DCC: variants seen among roughly 807,000 people sequenced by gnomAD.
The protein encoded by DCC is netrin receptor DCC.
DCC carries 58 observed loss-of-function variants against 172.5 expected under a neutral mutation model. That is an observed-to-expected ratio of 0.34 (90% confidence interval 0.27 to 0.42). The LOEUF is 0.42. Ranked by LOEUF, DCC falls within the 10% of genes least tolerant of loss-of-function variation. The pLI, the probability that DCC is intolerant of heterozygous loss-of-function variation, is 1.00. For missense variants in DCC, 1,740 were observed against 1,791.0 expected, an observed-to-expected ratio of 0.97 and a Z score of 0.51; for synonymous variants, 709 against 644.5, an observed-to-expected ratio of 1.10 and a Z score of -1.52.
rs141462766 is a variant in DCC, at chr18:53,389,957, T to A, written c.2456-1698T>A. Among the ~76,000 whole-genome samples, 201 of 152,326 alleles carry A rather than the reference T, an allele frequency of 1.3e-3. 1 individual carries two copies. Among genetic ancestry groups the A allele is most frequent in the Middle Eastern group, 6.8e-3 (2 of 294 alleles). On this transcript the variant is annotated intron_variant, in intron 16 of 28. Transcript: ENST00000442544. Reference sequence around the variant, plus strand: ...AGTAAAATAGGTCAAAAGAGGAGTTTGTAAATTAGAAAACGTCCCATATGT... The same window carrying A: ...AGTAAAATAGGTCAAAAGAGGAGTTAGTAAATTAGAAAACGTCCCATATGT...
intron 2 of DCC, among the ~76,000 whole-genome samples, chr18:52,810,217 G>C (rs535777779): frequency 6.6e-6 from 1 of 152,322 alleles, no homozygotes; most frequent in South Asian, 2.1e-4. Context: ...TCTAAAGACA[G>C]GAGGAAGAGA....
chr18:53,166,819 G>A (rs1162021873), intron 8 of DCC, among the ~76,000 whole-genome samples: 1 of 152,164 alleles, frequency 6.6e-6, no homozygotes, highest in African/African-American at 2.4e-5. Flanking sequence ...TTATCTGGCA[G>A]TGAAACATCT....
chr18:53,377,389 G>GAGAGA (rs56300801), intron 15 of DCC, among the ~76,000 whole-genome samples: 2 of 148,134 alleles, frequency 1.4e-5, no homozygotes, highest in Non-Finnish European at 3.0e-5. Context: ...GAGAGAGAGA[G>GAGAGA]GAAGAAGGCC....
chr18:53,288,513 T>C (rs188445474), intron 12 of DCC, among the ~76,000 whole-genome samples: 1 of 152,300 alleles, frequency 6.6e-6, no homozygotes, highest in Non-Finnish European at 1.5e-5. Context: ...TCAATTTTAA[T>C]AGAGTAATTA....
At chr18:53,219,619 G>T (rs1475319895) in intron 12 of DCC, among the ~76,000 whole-genome samples, 2 of 152,064 alleles carry the variant, frequency 1.3e-5, no homozygotes, top group Non-Finnish European at 2.9e-5. Context: ...ATGTCTTTTT[G>T]TTGCATTCCT....
chr18:53,377,920 C>G (rs1004905795), intron 15 of DCC, among the ~76,000 whole-genome samples: 2 of 152,160 alleles, frequency 1.3e-5, no homozygotes, highest in Non-Finnish European at 2.9e-5. Context: ...ACAGAGAATG[C>G]TCTCTGATTC....
intron 15 of DCC, among the ~76,000 whole-genome samples, chr18:53,375,668 T>A (rs2058103392): frequency 1.3e-5 from 2 of 149,988 alleles, no homozygotes. Context: ...AAAACCTGTG[T>A]GTTTGGTTAT....
At chr18:52,785,864 CCTT>C (rs1370703543) in intron 2 of DCC, among the ~76,000 whole-genome samples, 2 of 152,024 alleles carry the variant, frequency 1.3e-5, no homozygotes, top group Non-Finnish European at 2.9e-5. Flanking sequence ...TCCTAAGCAT[CCTT>C]CTTTTTAAAC....
chr18:53,422,597 A>T (rs1346932198), intron 21 of DCC, among the ~76,000 whole-genome samples: 3 of 152,200 alleles, frequency 2.0e-5, no homozygotes, highest in East Asian at 3.9e-4. Flanking sequence ...CAGGCAAAGT[A>T]CTTAACACTG....
At chr18:52,967,260 C>G (rs1433097461) in intron 5 of DCC, among the ~76,000 whole-genome samples, 2 of 152,130 alleles carry the variant, frequency 1.3e-5, no homozygotes, top group African/African-American at 2.4e-5. Context: ...TGGCCTCATT[C>G]TTTTTCATGG....
chr18:52,674,855 A>T (rs1389237382), intron 1 of DCC, among the ~76,000 whole-genome samples: 2 of 150,958 alleles, frequency 1.3e-5, no homozygotes, highest in African/African-American at 2.5e-5. Context: ...CAGGCCAGGA[A>T]AGTGGAAGTC....
intron 7 of DCC, among the ~76,000 whole-genome samples, chr18:53,128,050 G>A (rs914837635): frequency 6.6e-6 from 1 of 151,990 alleles, no homozygotes; most frequent in Non-Finnish European, 1.5e-5. Flanking sequence ...AACATAGCTG[G>A]CAAAGTGACT....
At position 52,889,126 on chromosome 18, in the gene DCC, C is replaced by T. The variant is rs372762545; in HGVS notation, c.413-16918C>T. Among the ~76,000 whole-genome samples the T allele has an allele frequency of 2.8e-4, 43 of 151,948 alleles. 1 individual carries two copies. The highest frequency in any genetic ancestry group is 9.9e-4 in the African/African-American group (41 of 41,446). On this transcript the variant is annotated intron_variant, in intron 2 of 28. Transcript: ENST00000442544. The stretch of plus-strand genomic sequence containing the variant: ...TCAATTAAAGATTAGATGTGGAGAA[C>T]CTCTAATATATAAGATATGGAACTA...
At chr18:53,505,715 C>CT (rs2046164899) in intron 27 of DCC, among the ~76,000 whole-genome samples, 1 of 151,996 alleles carries the variant, frequency 6.6e-6, no homozygotes, top group Non-Finnish European at 1.5e-5. Flanking sequence ...ACTTTGTAAC[C>CT]TAATAGAAGA....
chr18:53,234,482 T>C (rs2056172385), intron 12 of DCC, among the ~76,000 whole-genome samples: 1 of 152,072 alleles, frequency 6.6e-6, no homozygotes, highest in Non-Finnish European at 1.5e-5. Flanking sequence ...CAGGTTTTTT[T>C]CTGCTTCAAG....
intron 21 of DCC, among the ~76,000 whole-genome samples, chr18:53,428,313 A>AT (rs1313474881): frequency 3.4e-5 from 1 of 29,008 alleles, no homozygotes; most frequent in African/African-American, 8.7e-5. Flanking sequence ...ATAGAATATA[A>AT]TATATAATAT....
chr18:53,206,363 GTATTGTAACACATATA>G (rs1568365018), intron 10 of DCC, among the ~76,000 whole-genome samples: 13 of 45,960 alleles, frequency 2.8e-4, no homozygotes, highest in Non-Finnish European at 4.7e-4. Flanking sequence ...ATACATATAT[GTATTGTAACACATATA>G]TGTATATATG....
At chr18:52,742,233 C>T (rs190987644) in intron 1 of DCC, among the ~76,000 whole-genome samples, 3 of 152,296 alleles carry the variant, frequency 2.0e-5, no homozygotes, top group Admixed American at 1.3e-4. Flanking sequence ...CAGACTATGA[C>T]AATATCCTTC....
rs573469539 is a variant in DCC at position 52,956,937 on chromosome 18, A to G, written c.985+31567A>G. ...GGTACACTTTTTCCAGTTGAGTTCA[A>G]TTTGTCAATAGCAAGGCCGAAAACA... On this transcript the variant is annotated intron_variant, in intron 5 of 28. Transcript: ENST00000442544. Among the ~76,000 whole-genome samples, 7 of 152,218 alleles carry G rather than the reference A, an allele frequency of 4.6e-5. No individual in the cohort carries two copies. In the South Asian group the frequency reaches 1.5e-3, roughly 32 times the overall value.
Sources: gnomAD v4.1 joint callset for allele counts (sites outside exome capture counted in the v4.1 genomes callset) on GRCh38, gnomAD v4.1.1 for gene constraint, MANE v1.5 for transcripts, NCBI Gene and HGNC (gene_info 2026-07-23, HGNC 2026-07-21) for gene names.